Variants in ARHGAP45 observed in about 807,000 individuals in gnomAD.
ARHGAP45 encodes the protein Rho GTPase activating protein 45.
ARHGAP45 carries 56 observed loss-of-function variants against 116.1 expected under a neutral mutation model. The ratio of observed to expected loss-of-function variants is 0.48; its 90% CI spans 0.39 to 0.60. ARHGAP45 has a LOEUF of 0.60. ARHGAP45 is among the 20% of genes least tolerant of loss of function. ARHGAP45 has a pLI of 0.00. For missense variants in ARHGAP45, 1,622 were observed against 1,601.0 expected (o/e 1.01, Z -0.22); for synonymous variants, 866 against 701.7 (o/e 1.23, Z -3.70).
At chr19:1,082,755 G>GTGGGGC in intron 19 of ARHGAP45, 85 bp from the exon 20 acceptor site, 1 of 1,195,616 alleles carries the variant, frequency 8.4e-7, no homozygotes, top group African/African-American at 1.6e-5. Flanking sequence ...CTCTGTGGGG[G>GTGGGGC]TGGGGCTGAG....
chr19:1,084,420 T>C, intron 22 of ARHGAP45, 74 bp downstream of exon 22: 6 of 1,171,372 alleles, frequency 5.1e-6, no homozygotes, highest in Non-Finnish European at 6.2e-6. Context: ...TGCCATGACC[T>C]AGTTGTACAC....
At position 1,068,965 on chromosome 19, in the gene ARHGAP45, T is replaced by C. The variant is rs1214448773; in HGVS notation, c.421+221T>C. The stretch of plus-strand genomic sequence containing the variant: ...GCTCAAGAGGGTGCCCACTTTATTT[T>C]TTTTAAAGGATCTGATGGCAATTAG... On this transcript the variant is annotated intron_variant, in intron 2 of 22. Transcript: ENST00000313093. This position sits in a 1 kb window ranked among gnomAD's most constrained non-coding sequence, Gnocchi z 7.5. Among the ~76,000 whole-genome samples the C allele has an allele frequency of 6.9e-6, 1 of 145,856 alleles. No individual in the cohort carries two copies. The highest frequency in any genetic ancestry group is 1.5e-5 in the Non-Finnish European group (1 of 66,210).
rs2043208048 is a variant in ARHGAP45 at position 1,074,805 on chromosome 19, A to G, written c.1111A>G (p.Thr371Ala). ...LQTQTFMQPL[T>A]LRRLEHEKRR... is the part of the protein sequence containing the mutation. ...ACGGCCCGTCTCGCCCCAGCCCCTG[A>G]CCCTGCGGCGGCTTGAACACGAGAA... The change falls in exon 10 of 23, where the codon ACC becomes GCC. Residue 371 changes from threonine (T) to alanine (A), a missense_variant. Around this residue, in one of 3 missense-constraint regions of ARHGAP45, gnomAD observed 1,334 missense variants for 1,263.8 expected, o/e 1.06. Transcript: ENST00000313093. The G allele has an allele frequency of 3.9e-6, 6 of 1,525,584 alleles. No individual in the cohort carries two copies. The highest frequency in any genetic ancestry group is 4.4e-6 in the Non-Finnish European group (5 of 1,129,642). 94.5% of individuals were successfully genotyped at this position (1,525,584 alleles called of 1,614,324 possible).
At chr19:1,075,511 C>G (rs951260730) in intron 10 of ARHGAP45, among the ~76,000 whole-genome samples, 2 of 152,060 alleles carry the variant, frequency 1.3e-5, no homozygotes, top group African/African-American at 4.8e-5. Context: ...TCCCAAAGTG[C>G]TGAGATTACA....
chr19:1,086,338 A>C lies in ARHGAP45; in HGVS notation c.*332A>C. 1 of 279,022 alleles carries C rather than the reference A, an allele frequency of 3.6e-6. No individual in the cohort carries two copies. The highest frequency in any genetic ancestry group is 6.9e-6 in the Non-Finnish European group (1 of 144,584). The allele number at this position is 279,022 out of a possible 1,614,324, so 17.3% of individuals were successfully genotyped here. On this transcript the variant is annotated 3_prime_UTR_variant, in exon 23 of 23. Transcript: ENST00000313093. The stretch of plus-strand genomic sequence containing the variant: ...GCTGTCCCTGCCCAGTGCATCCCCC[A>C]GGTCATCACGGGGACGCAGGAGGCA...
Position 1,068,766 on chromosome 19 carries a change from A to G in ARHGAP45, c.421+22A>G. 6.2e-7 allele frequency: 1 copy of G among 1,601,692 alleles called. No individual in the cohort carries two copies. The highest frequency in any genetic ancestry group is 8.5e-7 in the Non-Finnish European group (1 of 1,171,108). Reference sequence around the variant, plus strand: ...GACGGTGAGAGCCACGGGGACACCGAGGCCTGGGTGGAAGACAGAGCCAGA... The same window carrying G: ...GACGGTGAGAGCCACGGGGACACCGGGGCCTGGGTGGAAGACAGAGCCAGA... On this transcript the variant is annotated intron_variant, in intron 2 of 22. Coordinates refer to ENST00000313093, the MANE Select transcript of ARHGAP45 (RefSeq NM_012292.5). The surrounding 1 kb of genome is among the most constrained non-coding windows in gnomAD (Gnocchi z 7.5).
chr19:1,079,578 A>G (rs1346506401), intron 11 of ARHGAP45, 125 bp from the exon 12 acceptor site: 20 of 1,191,560 alleles, frequency 1.7e-5, no homozygotes, highest in Non-Finnish European at 2.3e-5. Context: ...GCCTCAAGCA[A>G]GTCTCCCACT....
intron 21 of ARHGAP45, 59 bp from the exon 22 acceptor site, chr19:1,084,179 A>G: frequency 6.6e-7 from 1 of 1,511,264 alleles, no homozygotes; most frequent in Non-Finnish European, 9.2e-7. Context: ...GGGTTTGTTA[A>G]TTTATAACAT....
rs2043192470 is a variant in ARHGAP45, at chr19:1,074,217, T to C, written c.904T>C (p.Tyr302His). The C allele has an allele frequency of 6.2e-7, 1 of 1,613,340 alleles. No homozygotes were observed. Among genetic ancestry groups the C allele is most frequent in the East Asian group, 2.2e-5 (1 of 44,880 alleles). ...MAKYMKDLIS[Y>H]LEKRTTLEME... ...CAAGTACATGAAGGACCTCATCAGC[T>C]ACCTGGAGAAGCGGACGACGCTGGG... Residue 302 changes from tyrosine to histidine, a missense_variant, in exon 7 of 23, where the codon TAC becomes CAC. Around this residue, in one of 3 missense-constraint regions of ARHGAP45, gnomAD observed 1,334 missense variants for 1,263.8 expected, o/e 1.06. Coordinates refer to ENST00000313093, the MANE Select transcript of ARHGAP45 (RefSeq NM_012292.5).
intron 13 of ARHGAP45, 38 bp from the exon 14 acceptor site, chr19:1,080,217 C>T: frequency 6.2e-7 from 1 of 1,611,260 alleles, no homozygotes; most frequent in Non-Finnish European, 8.5e-7. Context: ...GTCTTGCCCC[C>T]CATCACCTCC....
At chr19:1,085,610 C>T (rs758028760) in intron 22 of ARHGAP45, 50 bp from the exon 23 acceptor site, 1 of 1,371,352 alleles carries the variant, frequency 7.3e-7, no homozygotes, top group Non-Finnish European at 9.9e-7. Context: ...CCTTGTCTCT[C>T]CTCCATCTCT....
chr19:1,085,335 C>T (rs1435497927), intron 22 of ARHGAP45, among the ~76,000 whole-genome samples: 1 of 152,142 alleles, frequency 6.6e-6, no homozygotes, highest in East Asian at 1.9e-4. Context: ...TTCAACCATC[C>T]TCCACCAGCT....
At chr19:1,070,639 GC>G (rs1413374111) in intron 2 of ARHGAP45, among the ~76,000 whole-genome samples, 12 of 151,548 alleles carry the variant, frequency 7.9e-5, no homozygotes, top group African/African-American at 2.9e-4. Context: ...GAGCCATCGC[GC>G]CCGGCCAGTT....
In ARHGAP45 at chr19:1,071,838, C is replaced by A. The variant is rs990986422; in HGVS notation, c.422-1311C>A. 6.6e-6 allele frequency: 1 copy of A among 152,114 alleles called. No individual in the cohort carries two copies. The highest frequency in any genetic ancestry group is 6.6e-5 in the Admixed American group (1 of 15,254). The allele number at this position is 152,114 out of a possible 1,614,324, so 9.4% of individuals were successfully genotyped here. ...GAAAGGGATGGGGCACTTACTTTTT[C>A]AGATTTCATTTCGTATTTGGGGCAT... On this transcript the variant is annotated intron_variant, in intron 2 of 22. Coordinates refer to ENST00000313093, the MANE Select transcript of ARHGAP45 (RefSeq NM_012292.5). The surrounding 1 kb of genome is among the most constrained non-coding windows in gnomAD (Gnocchi z 4.6).
At position 1,070,057 on chromosome 19, in the gene ARHGAP45, G is replaced by A. The variant is rs185318370; in HGVS notation, c.421+1313G>A. Among the ~76,000 whole-genome samples the A allele has an allele frequency of 3.4e-3, 512 of 151,986 alleles. 10 individuals are homozygous for A. The highest frequency in any genetic ancestry group is 0.011 in the African/African-American group (475 of 41,460). On this transcript the variant is annotated intron_variant, in intron 2 of 22. Transcript: ENST00000313093. The stretch of plus-strand genomic sequence containing the variant: ...GTCGCCCAGGCTGGAGTGCAGTGGC[G>A]CGATCTCGGCTCATTGCAACCTTCC...
At chr19:1,083,723 G>A (rs538546224) in intron 21 of ARHGAP45, among the ~76,000 whole-genome samples, 7 of 152,222 alleles carry the variant, frequency 4.6e-5, no homozygotes, top group Admixed American at 4.6e-4. Context: ...ACTCCGCCGC[G>A]AGGTCAATTC....
At position 1,084,263 on chromosome 19, in the gene ARHGAP45, A is replaced by G; in HGVS notation, c.2981A>G (p.Glu994Gly). The G allele has an allele frequency of 6.2e-7, 1 of 1,613,330 alleles. No homozygotes were observed. The highest frequency in any genetic ancestry group is 8.5e-7 in the Non-Finnish European group (1 of 1,179,830). Residue 994 changes from glutamate to glycine, a missense_variant, in exon 22 of 23, where the codon GAG becomes GGG. Glu to Gly is a moderately conservative substitution (Grantham distance 98, BLOSUM62 -2). This residue lies in a region of ARHGAP45 where 1,334 missense variants were observed against 1,263.8 expected (regional missense o/e 1.06). Transcript: ENST00000313093. ...GACGAGTCATCCAACCAGCGAGCTG[A>G]GGTAGTCGTCCAGGTGCCGTACCTG... is the stretch of plus-strand genomic sequence containing the variant. ...GQDESSNQRAEVVVQVPYLEA... is the reference protein window; with the variant it reads ...GQDESSNQRAGVVVQVPYLEA...
intron 22 of ARHGAP45, 99 bp from the exon 23 acceptor site, chr19:1,085,561 C>CTGT (rs2043597997): frequency 2.5e-5 from 16 of 645,790 alleles, no homozygotes; most frequent in Non-Finnish European, 3.7e-5. Context: ...CTCTCTCCCC[C>CTGT]CTCTCCTGTC....
Position 1,068,360 on chromosome 19 carries a change from G to A in ARHGAP45, c.91-54G>A, listed in dbSNP as rs1448519485. ...CCACTTCATTTCTGGGGAAACTGAG[G>A]CCGTGTCCAGGCCGGAAAATCCCTT... is the stretch of plus-strand genomic sequence containing the variant. On this transcript the variant is annotated intron_variant, in intron 1 of 22. Coordinates refer to ENST00000313093, the MANE Select transcript of ARHGAP45 (RefSeq NM_012292.5). This position sits in a 1 kb window ranked among gnomAD's most constrained non-coding sequence, Gnocchi z 7.5. The A allele has an allele frequency of 7.0e-7, 1 of 1,424,372 alleles. No homozygotes were observed. The highest frequency in any genetic ancestry group is 9.4e-7 in the Non-Finnish European group (1 of 1,068,894). The allele number at this position is 1,424,372 out of a possible 1,614,324, so 88.2% of individuals were successfully genotyped here.
Sources: allele counts gnomAD v4.1 joint callset (sites outside exome capture counted in the v4.1 genomes callset), GRCh38; gene constraint gnomAD v4.1.1; regional missense constraint gnomAD v4.1.1; non-coding constraint Gnocchi (gnomAD v3.1); transcripts MANE v1.5; gene names NCBI Gene and HGNC (gene_info 2026-07-23, HGNC 2026-07-21).